The following MRPS10 variants were observed in gnomAD, a reference collection of about 807,000 sequenced individuals.
MRPS10 encodes mitochondrial ribosomal protein S10.
Under a neutral mutation model 27.5 loss-of-function variants are expected in MRPS10, and 23 were observed. The ratio of observed to expected loss-of-function variants is 0.84; its 90% CI spans 0.60 to 1.18. The LOEUF (loss-of-function observed/expected upper bound fraction) is 1.18. MRPS10 is among the 50% of genes most tolerant of loss of function. MRPS10 has a pLI of 0.00. For missense variants in MRPS10, 237 were observed against 240.1 expected (o/e 0.99, Z 0.09); for synonymous variants, 88 against 84.2 (o/e 1.04, Z -0.25).
chr6:42,206,891 G>A lies in MRPS10; in HGVS notation c.*1398C>T, dbSNP rs1198692380. The A allele has an allele frequency of 6.6e-6, 1 of 152,112 alleles. No individual in the cohort carries two copies. The highest frequency in any genetic ancestry group is 1.5e-5 in the Non-Finnish European group (1 of 68,028). The allele number at this position is 152,112 out of a possible 1,614,324, so 9.4% of individuals were successfully genotyped here. A position where few individuals can be genotyped will look rare whatever the true frequency, so the allele number is the denominator to read the frequency against. The stretch of plus-strand genomic sequence containing the variant: ...ACAAGCAGTATGTATTCAACACACT[G>A]ATACCTGATAGCATGTCAGGAAAAA... On this transcript the variant is annotated 3_prime_UTR_variant, in exon 7 of 7. Transcript: ENST00000053468.
rs772259217 is a variant in MRPS10, at chr6:42,208,825, C to T, written c.522+33G>A. 14 of 1,406,540 alleles carry T rather than the reference C, an allele frequency of 1.0e-5. No homozygotes were observed. In the African/African-American group the frequency reaches 1.0e-4, roughly 10 times the overall value. 87.1% of individuals were successfully genotyped at this position (1,406,540 alleles called of 1,614,324 possible). ...ACAATACAGATACCACTCCCCACCG[C>T]CCCACCGAAAGAGGCAGAAATTCAA... On this transcript the variant is annotated intron_variant, in intron 6 of 6. Coordinates refer to ENST00000053468, the MANE Select transcript of MRPS10 (RefSeq NM_018141.4).
At position 42,214,194 on chromosome 6, in the gene MRPS10, T is replaced by C. The variant is rs913922850; in HGVS notation, c.114-2A>G. ...TGTACCCACTTCATATTGGTACTGC[T>C]ATGTGTGGGGAAAAAAAGAGAAACC... On this transcript the variant is annotated splice_acceptor_variant, in intron 2 of 6. Coordinates refer to ENST00000053468, the MANE Select transcript of MRPS10 (RefSeq NM_018141.4). LOFTEE classifies it high-confidence loss of function. 2.5e-6 allele frequency: 4 copies of C among 1,612,524 alleles called. No homozygotes were observed. Among genetic ancestry groups the C allele is most frequent in the African/African-American group, 1.3e-5 (1 of 74,868 alleles).
intron 1 of MRPS10, among the ~76,000 whole-genome samples, chr6:42,216,106 C>T (rs1314638347): frequency 6.8e-6 from 1 of 147,986 alleles, no homozygotes; most frequent in Non-Finnish European, 1.5e-5. Context: ...TCACTGAAAC[C>T]TCCGCCTCCT....
chr6:42,216,577 G>A (rs1377089226), intron 1 of MRPS10, among the ~76,000 whole-genome samples: 2 of 151,386 alleles, frequency 1.3e-5, no homozygotes, highest in Non-Finnish European at 2.9e-5. Context: ...TTGGGAGGCC[G>A]AGGCTGCCGG....
rs1024552034 is a variant in MRPS10, at chr6:42,207,403, T to C, written c.*886A>G. ...TGTCCAGCTAATTTTTGTATTTTTA[T>C]TAGAGACGGGGTTTCACCGTGTTAG... On this transcript the variant is annotated 3_prime_UTR_variant, in exon 7 of 7. Transcript: ENST00000053468. 5.3e-5 allele frequency: 8 copies of C among 152,142 alleles called. No individual in the cohort carries two copies. Among genetic ancestry groups the C allele is most frequent in the African/African-American group, 1.9e-4 (8 of 41,508 alleles). The allele number at this position is 152,142 out of a possible 1,614,324, so 9.4% of individuals were successfully genotyped here.
intron 4 of MRPS10, 55 bp from the exon 5 acceptor site, chr6:42,210,651 C>G (rs1582348666): frequency 2.5e-6 from 4 of 1,573,884 alleles, no homozygotes; most frequent in Non-Finnish European, 8.6e-7. Context: ...AAGCATAATT[C>G]CATAATTTTG....
At chr6:42,216,375 AGAGAGAGAGAGTGTGTGT>A (rs957901252) in intron 1 of MRPS10, among the ~76,000 whole-genome samples, 25 of 38,814 alleles carry the variant, frequency 6.4e-4, no homozygotes, top group African/African-American at 1.5e-3. Context: ...AGAGAGAGAG[AGAGAGAGAGAGTGTGTGT>A]GTGTGTGTGT....
chr6:42,214,042 G>GA (rs1182300665), intron 3 of MRPS10, 78 bp downstream of exon 3: 127 of 1,269,240 alleles, frequency 1.0e-4, no homozygotes, highest in Admixed American at 1.8e-4. Context: ...AGTGTTTGGG[G>GA]AAAAAAAACC....
intron 1 of MRPS10, among the ~76,000 whole-genome samples, chr6:42,216,385 A>AGAGAGTGTGTGTGTGTGTGT: frequency 2.7e-4 from 16 of 58,698 alleles, no homozygotes; most frequent in East Asian, 1.2e-3. Context: ...AGAGAGAGAG[A>AGAGAGTGTGTGTGTGTGTGT]GTGTGTGTGT....
intron 1 of MRPS10, 106 bp downstream of exon 1, chr6:42,217,696 G>A (rs1768981137): frequency 4.2e-6 from 5 of 1,179,514 alleles, no homozygotes; most frequent in South Asian, 2.5e-5. Context: ...GCGAGGTGAG[G>A]GATAAATATC....
At chr6:42,212,180 T>C (rs984711586) in intron 3 of MRPS10, among the ~76,000 whole-genome samples, 25 of 152,142 alleles carry the variant, frequency 1.6e-4, no homozygotes, top group African/African-American at 5.8e-4. Context: ...CTTTCCAACT[T>C]AAAATAACGA....
intron 1 of MRPS10, among the ~76,000 whole-genome samples, chr6:42,215,215 C>G (rs1046745312): frequency 1.3e-5 from 2 of 151,812 alleles, no homozygotes; most frequent in African/African-American, 4.8e-5. Flanking sequence ...ATGGTGAAAC[C>G]CTGTCTCTAC....
At chr6:42,208,820 C>T (rs1582346255) in intron 6 of MRPS10, 38 bp downstream of exon 6, 2 of 1,344,744 alleles carry the variant, frequency 1.5e-6, no homozygotes, top group South Asian at 1.2e-5. Context: ...TACCACTCCC[C>T]ACCGCCCCAC....
chr6:42,216,026 C>CTTTTT (rs34985131), intron 1 of MRPS10, among the ~76,000 whole-genome samples: 5,431 of 56,266 alleles, frequency 0.097, 191 homozygotes, highest in East Asian at 0.3. Context: ...TTTTTCTTTT[C>CTTTTT]TTTTTTTTTT....
intron 3 of MRPS10, 33 bp downstream of exon 3, chr6:42,214,087 A>C: frequency 6.6e-7 from 1 of 1,524,788 alleles, no homozygotes; most frequent in South Asian, 1.2e-5. Flanking sequence ...TTGCCAAGGT[A>C]GCTCCTTATA....
In MRPS10 at chr6:42,214,339, C is replaced by T. The variant is rs759185234; in HGVS notation, c.54G>A (p.Leu18=). ...TAGAAGTGTTTACAGAAAAATTCCC[C>T]AATCCCTAAAGAAAAAAAAAGTAGG... The part of the protein sequence containing the change: ...GAVCRRLWQG[L]GNFSVNTSKG... The change falls in exon 2 of 7, where the codon TTG becomes TTA. Residue 18 remains leucine, a synonymous_variant. Coordinates refer to ENST00000053468, the MANE Select transcript of MRPS10 (RefSeq NM_018141.4). The T allele has an allele frequency of 3.4e-5, 54 of 1,605,874 alleles. No individual in the cohort carries two copies. In the Middle Eastern group the frequency reaches 8.3e-4, roughly 25 times the overall value.
At chr6:42,216,357 C>A (rs1274205470) in intron 1 of MRPS10, among the ~76,000 whole-genome samples, 2 of 38,066 alleles carry the variant, frequency 5.3e-5, no homozygotes, top group Admixed American at 3.8e-4. Flanking sequence ...CTTTGTATTT[C>A]TTGAGAGAGA....
chr6:42,217,824 G>C lies in MRPS10; in HGVS notation c.26C>G (p.Ala9Gly), dbSNP rs141744276. The C allele has an allele frequency of 1.9e-6, 3 of 1,614,152 alleles. No homozygotes were observed. Among genetic ancestry groups the C allele is most frequent in the Non-Finnish European group, 2.5e-6 (3 of 1,180,022 alleles). MAARTAFG[A>G]VCRRLWQGLG... The stretch of plus-strand genomic sequence containing the variant: ...TACCTGCCAGAGGCGCCGGCACACA[G>C]CACCGAACGCTGTCCGCGCCGCCAT... The change falls in exon 1 of 7, where the codon GCT becomes GGT. Residue 9 changes from alanine to glycine, a missense_variant. This residue lies in a region of MRPS10 where 164 missense variants were observed against 137.8 expected (regional missense o/e 1.19). Transcript: ENST00000053468.
chr6:42,216,986 C>T (rs1299901574), intron 1 of MRPS10, among the ~76,000 whole-genome samples: 1 of 152,148 alleles, frequency 6.6e-6, no homozygotes, highest in African/African-American at 2.4e-5. Context: ...TTTCCCGTGA[C>T]AGCCTGAGGT....
Sources: gnomAD v4.1 joint callset for allele counts (sites outside exome capture counted in the v4.1 genomes callset) on GRCh38, gnomAD v4.1.1 for gene constraint, gnomAD v4.1.1 regional missense constraint, MANE v1.5 for transcripts, NCBI Gene and HGNC (gene_info 2026-07-23, HGNC 2026-07-21) for gene names.